The following FXR1 variants were observed in gnomAD, a reference collection of about 807,000 sequenced individuals.
FXR1 encodes RNA-binding protein FXR1.
A neutral mutation model predicts 84.0 loss-of-function variants in FXR1; 15 were observed. The observed-to-expected ratio is 0.18, with a 90% CI of 0.12 to 0.27. The LOEUF is 0.27. FXR1 is among the 10% of genes least tolerant of loss of function. FXR1 has a pLI of 1.00. For missense variants in FXR1, 480 were observed against 774.4 expected, an observed-to-expected ratio of 0.62 and a Z score of 4.51; for synonymous variants, 245 against 250.7, an observed-to-expected ratio of 0.98 and a Z score of 0.21.
rs1174549356 is a variant in FXR1 at position 180,979,412 on chromosome 3, TCTA to T, written c.*3123_*3125del. Reference sequence around the variant, plus strand: ...AAGGAACTTGGATTTGAACTGTGAATCTACTGTTTTGGCAAAAAATCTCAAAGA... The same window carrying T: ...AAGGAACTTGGATTTGAACTGTGAATCTGTTTTGGCAAAAAATCTCAAAGA... On this transcript the variant is annotated 3_prime_UTR_variant, in exon 17 of 17. Coordinates refer to ENST00000357559, the MANE Select transcript of FXR1 (RefSeq NM_005087.4). 1 of 152,116 alleles carries T rather than the reference TCTA, an allele frequency of 6.6e-6. No homozygotes were observed. Among genetic ancestry groups the T allele is most frequent in the Admixed American group, 6.6e-5 (1 of 15,260 alleles). The allele number at this position is 152,116 out of a possible 1,614,324, so 9.4% of individuals were successfully genotyped here. A position where few individuals can be genotyped will look rare whatever the true frequency, so the allele number is the denominator to read the frequency against.
intron 6 of FXR1, 90 bp from the exon 7 acceptor site, chr3:180,949,137 C>A: frequency 1.3e-6 from 1 of 777,052 alleles, no homozygotes; most frequent in East Asian, 2.4e-5. Flanking sequence ...AGATGAGAAG[C>A]AAGGAAGGCT....
At chr3:180,920,708 G>A (rs907614477) in intron 1 of FXR1, among the ~76,000 whole-genome samples, 1 of 151,978 alleles carries the variant, frequency 6.6e-6, no homozygotes, top group African/African-American at 2.4e-5. Flanking sequence ...ATGGCGATTT[G>A]CCGTGTTGAC....
chr3:180,925,472 T>C (rs1553840228), intron 1 of FXR1, among the ~76,000 whole-genome samples: 2 of 152,180 alleles, frequency 1.3e-5, no homozygotes, highest in Non-Finnish European at 2.9e-5. Context: ...CAGAAGGTGT[T>C]AACAAACAAA....
intron 13 of FXR1, among the ~76,000 whole-genome samples, chr3:180,966,645 T>C (rs1031312395): frequency 3.3e-5 from 5 of 152,176 alleles, no homozygotes; most frequent in Non-Finnish European, 7.4e-5. Context: ...AAGATGGAGT[T>C]CCACCCTTTA....
intron 1 of FXR1, among the ~76,000 whole-genome samples, chr3:180,914,299 C>T (rs1169888054): frequency 3.9e-5 from 6 of 152,034 alleles, no homozygotes; most frequent in African/African-American, 1.4e-4. Flanking sequence ...CTGGGTAAGA[C>T]GGCGAAAAGA....
chr3:180,972,526 C>T (rs1713711688), intron 15 of FXR1, among the ~76,000 whole-genome samples: 1 of 152,022 alleles, frequency 6.6e-6, no homozygotes, highest in African/African-American at 2.4e-5. Context: ...CATTTCTGGC[C>T]CTACTGTAAA....
chr3:180,967,516 T>C (rs1338308629), intron 13 of FXR1, among the ~76,000 whole-genome samples: 5 of 152,020 alleles, frequency 3.3e-5, no homozygotes, highest in Non-Finnish European at 5.9e-5. Context: ...AGCAGAAACA[T>C]TTGACTATCC....
chr3:180,961,104 G>A lies in FXR1; in HGVS notation c.991-364G>A, dbSNP rs192427488. 2.3e-3 allele frequency among the ~76,000 whole-genome samples: 344 copies of A among 152,072 alleles called. 1 individual carries two copies. Among genetic ancestry groups the A allele is most frequent in the African/African-American group, 8.0e-3 (331 of 41,478 alleles). ...TCTTTACGAAGTCAATAATCCCAGC[G>A]CTTTGGGAAGCCAAGGCAGGAGGAT... is the stretch of plus-strand genomic sequence containing the variant. On this transcript the variant is annotated intron_variant, in intron 10 of 16. Transcript: ENST00000357559.
At chr3:180,934,923 A>G (rs1294840590) in intron 2 of FXR1, among the ~76,000 whole-genome samples, 1 of 152,188 alleles carries the variant, frequency 6.6e-6, no homozygotes, top group African/African-American at 2.4e-5. Flanking sequence ...GTAATGTACA[A>G]TTGTTAACAA....
chr3:180,971,899 A>G (rs899969616), intron 15 of FXR1: 1 of 152,606 alleles, frequency 6.6e-6, no homozygotes, highest in Admixed American at 6.5e-5. Flanking sequence ...CTTTCAAACT[A>G]ATCAATTTTT....
rs1720398992 is a variant in FXR1 at position 180,935,327 on chromosome 3, A to G, written c.198+96A>G. ...AGCTTAGTTGATGGAGGATAAATCT[A>G]ATTCATTTTCTCTATTCTTTCTATT... On this transcript the variant is annotated intron_variant, in intron 3 of 16. Transcript: ENST00000357559. The G allele has an allele frequency of 4.7e-6, 3 of 638,606 alleles. No homozygotes were observed. In the South Asian group the frequency reaches 5.9e-5, roughly 13 times the overall value. The allele number at this position is 638,606 out of a possible 1,614,324, so 39.6% of individuals were successfully genotyped here.
chr3:180,951,950 C>T (rs2108470062), intron 8 of FXR1, among the ~76,000 whole-genome samples: 1 of 152,194 alleles, frequency 6.6e-6, no homozygotes, highest in East Asian at 1.9e-4. Context: ...ACCTGCAGTC[C>T]CAGCTACTTG....
chr3:180,963,270 A>T (rs1033484555), intron 13 of FXR1, among the ~76,000 whole-genome samples, 180 bp downstream of exon 13: 1 of 152,132 alleles, frequency 6.6e-6, no homozygotes, highest in African/African-American at 2.4e-5. Flanking sequence ...TTAAAATGAC[A>T]GTAAAATATA....
chr3:180,936,136 C>T (rs933852670), intron 3 of FXR1, among the ~76,000 whole-genome samples: 1 of 152,092 alleles, frequency 6.6e-6, no homozygotes, highest in Non-Finnish European at 1.5e-5. Flanking sequence ...AGGTGATCTG[C>T]CCACTTTGTC....
rs553832795 is a variant in FXR1, at chr3:180,980,858, T to A, written c.*4566T>A. The A allele has an allele frequency of 6.6e-6, 1 of 152,136 alleles. No individual in the cohort carries two copies. Among genetic ancestry groups the A allele is most frequent in the East Asian group, 1.9e-4 (1 of 5,182 alleles). 9.4% of individuals were successfully genotyped at this position (152,136 alleles called of 1,614,324 possible). A position where few individuals can be genotyped will look rare whatever the true frequency, so the allele number is the denominator to read the frequency against. ...CAGAGCTTAGGTCATTCAAGTTAAC[T>A]GGTACTCAAGGTTACTCATTCCAGG... On this transcript the variant is annotated 3_prime_UTR_variant, in exon 17 of 17. Transcript: ENST00000357559.
chr3:180,914,106 G>T lies in FXR1; in HGVS notation c.51+1370G>T, dbSNP rs191435118. 1.6e-3 allele frequency among the ~76,000 whole-genome samples: 236 copies of T among 152,256 alleles called. 2 individuals carry two copies. Among genetic ancestry groups the T allele is most frequent in the African/African-American group, 5.5e-3 (230 of 41,554 alleles). The stretch of plus-strand genomic sequence containing the variant: ...CTCCTTAGGTGGTAAACTTAAAGTA[G>T]GAACAGTGCCTGTTGGAAATGAGAC... On this transcript the variant is annotated intron_variant, in intron 1 of 16. Transcript: ENST00000357559.
intron 1 of FXR1, among the ~76,000 whole-genome samples, chr3:180,932,075 C>CCAAAAAAAA (rs397728837): frequency 6.3e-5 from 5 of 79,132 alleles, no homozygotes; most frequent in Non-Finnish European, 1.2e-4. Flanking sequence ...TTGTAAGTTT[C>CCAAAAAAAA]AAAAAAAAAA....
intron 3 of FXR1, among the ~76,000 whole-genome samples, chr3:180,939,669 A>C (rs1298896332): frequency 1.3e-5 from 2 of 152,180 alleles, no homozygotes; most frequent in Non-Finnish European, 2.9e-5. Context: ...AACTGTGTGA[A>C]TACTTTATTA....
At chr3:180,957,053 CAACTCAG>C (rs1467971274) in intron 9 of FXR1, among the ~76,000 whole-genome samples, 1 of 152,174 alleles carries the variant, frequency 6.6e-6, no homozygotes. Context: ...AATAGGTACA[CAACTCAG>C]TGTTGCTTTG....
Sources: gnomAD v4.1 joint callset for allele counts (sites outside exome capture counted in the v4.1 genomes callset) on GRCh38, gnomAD v4.1.1 for gene constraint, MANE v1.5 for transcripts, NCBI Gene and HGNC (gene_info 2026-07-23, HGNC 2026-07-21) for gene names.